SLN: variants seen among roughly 807,000 people sequenced by gnomAD.
SLN encodes sarcolipin.
For missense variants in SLN, 34 were observed against 37.4 expected (o/e 0.91, Z 0.24); for synonymous variants, 19 against 14.4 (o/e 1.32, Z -0.72).
intron 1 of SLN, among the ~76,000 whole-genome samples, chr11:107,709,541 G>A (rs563219958): frequency 1.3e-5 from 2 of 152,226 alleles, no homozygotes; most frequent in African/African-American, 4.8e-5. Flanking sequence ...TTCATATTGT[G>A]TAATTGGCAT....
rs867791170 is a variant in SLN at position 107,707,604 on chromosome 11, G to A, written c.*231C>T. On this transcript the variant is annotated 3_prime_UTR_variant, in exon 2 of 2. Coordinates refer to ENST00000305991, the MANE Select transcript of SLN (RefSeq NM_003063.3). Reference sequence around the variant, plus strand: ...TAACACATTTTCAGTTAAGAGTTGGGGAATAAATCTACCGTTCCCTGGCAA... The same window carrying A: ...TAACACATTTTCAGTTAAGAGTTGGAGAATAAATCTACCGTTCCCTGGCAA... The A allele has an allele frequency of 2.1e-6, 1 of 479,798 alleles. No homozygotes were observed. Among genetic ancestry groups the A allele is most frequent in the Non-Finnish European group, 3.7e-6 (1 of 269,240 alleles). 29.7% of individuals were successfully genotyped at this position (479,798 alleles called of 1,614,324 possible).
chr11:107,707,761 G>T lies in SLN; in HGVS notation c.*74C>A. The T allele has an allele frequency of 9.6e-7, 1 of 1,046,758 alleles. No individual in the cohort carries two copies. The allele number at this position is 1,046,758 out of a possible 1,614,324, so 64.8% of individuals were successfully genotyped here. On this transcript the variant is annotated 3_prime_UTR_variant, in exon 2 of 2. Transcript: ENST00000305991. ...AGAATGGCATCCTGTGACAATGACA[G>T]CAGTGGGGTCTCAGGGCATAGAGCA...
chr11:107,709,309 C>T (rs1268380670), intron 1 of SLN, among the ~76,000 whole-genome samples: 1 of 152,050 alleles, frequency 6.6e-6, no homozygotes, highest in Non-Finnish European at 1.5e-5. Flanking sequence ...ACATTTAGGA[C>T]CAAAGTCTAC....
At chr11:107,711,723 CTTCCATAA>C (rs1456784690) in intron 1 of SLN, among the ~76,000 whole-genome samples, 1 of 151,772 alleles carries the variant, frequency 6.6e-6, no homozygotes, top group African/African-American at 2.4e-5. Flanking sequence ...AAAAGACCAT[CTTCCATAA>C]TACAAGAAAG....
intron 1 of SLN, among the ~76,000 whole-genome samples, chr11:107,710,043 A>G (rs1417877170): frequency 6.6e-6 from 1 of 152,236 alleles, no homozygotes; most frequent in Non-Finnish European, 1.5e-5. Flanking sequence ...TGGATCAAGG[A>G]AAAAGGATTT....
chr11:107,709,749 A>G (rs1166680165), intron 1 of SLN, among the ~76,000 whole-genome samples: 1 of 152,220 alleles, frequency 6.6e-6, no homozygotes, highest in African/African-American at 2.4e-5. Flanking sequence ...TGACAGATTT[A>G]TATTTCATCT....
chr11:107,708,407 A>G (rs1867177879), intron 1 of SLN, among the ~76,000 whole-genome samples: 1 of 152,160 alleles, frequency 6.6e-6, no homozygotes, highest in South Asian at 2.1e-4. Flanking sequence ...TGGGACATGT[A>G]GCCTCCTGAC....
rs1277817521 is a variant in SLN at position 107,707,925 on chromosome 11, C to T, written c.6G>A (p.Gly2=). 7 of 1,613,750 alleles carry T rather than the reference C, an allele frequency of 4.3e-6. No individual in the cohort carries two copies. The highest frequency in any genetic ancestry group is 5.9e-6 in the Non-Finnish European group (7 of 1,179,706). M[G]INTRELFLNF... ...TGAGAAACAGCTCCCGGGTGTTTATCCCCATTTTCACAGCGGCTTGGTGAG... is the reference window on the plus strand; with the variant it reads ...TGAGAAACAGCTCCCGGGTGTTTATTCCCATTTTCACAGCGGCTTGGTGAG... Residue 2 remains glycine (G), a synonymous_variant, in exon 2 of 2, where the codon GGG becomes GGA. Coordinates refer to ENST00000305991, the MANE Select transcript of SLN (RefSeq NM_003063.3).
intron 1 of SLN, 49 bp from the exon 2 acceptor site, chr11:107,708,054 G>GTA: frequency 1.4e-6 from 1 of 701,868 alleles, no homozygotes; most frequent in Non-Finnish European, 2.6e-6. Context: ...GGGCATTCCT[G>GTA]TATAACAATG....
rs755972990 is a variant in SLN, at chr11:107,707,923, A to G, written c.8T>C (p.Ile3Thr). ...GTTGAGAAACAGCTCCCGGGTGTTTATCCCCATTTTCACAGCGGCTTGGTG... is the reference window on the plus strand; with the variant it reads ...GTTGAGAAACAGCTCCCGGGTGTTTGTCCCCATTTTCACAGCGGCTTGGTG... MG[I>T]NTRELFLNFT... Residue 3 changes from isoleucine (I) to threonine (T), a missense_variant, in exon 2 of 2, where the codon ATA (isoleucine) becomes ACA (threonine). Coordinates refer to ENST00000305991, the MANE Select transcript of SLN (RefSeq NM_003063.3). The G allele has an allele frequency of 3.9e-5, 63 of 1,613,700 alleles. No individual in the cohort carries two copies. The highest frequency in any genetic ancestry group is 3.1e-5 in the Non-Finnish European group (37 of 1,179,712).
chr11:107,708,387 C>T (rs1338299259), intron 1 of SLN, among the ~76,000 whole-genome samples: 1 of 152,094 alleles, frequency 6.6e-6, no homozygotes, highest in African/African-American at 2.4e-5. Flanking sequence ...ACTGTGCCAA[C>T]ACCTTGATCT....
intron 1 of SLN, among the ~76,000 whole-genome samples, chr11:107,709,634 C>T (rs1867190746): frequency 6.6e-6 from 1 of 151,986 alleles, no homozygotes; most frequent in Admixed American, 6.6e-5. Flanking sequence ...ATCCCTTGAG[C>T]CTAGGAGTTT....
chr11:107,709,697 T>C (rs1867192912), intron 1 of SLN, among the ~76,000 whole-genome samples: 1 of 151,664 alleles, frequency 6.6e-6, no homozygotes, highest in Non-Finnish European at 1.5e-5. Context: ...AAATACAAGT[T>C]CAAATCAGAT....
chr11:107,711,972 A>G lies in SLN; in HGVS notation c.-85T>C, dbSNP rs1867215235. 6.6e-6 allele frequency: 1 copy of G among 152,156 alleles called. No individual in the cohort carries two copies. The highest frequency in any genetic ancestry group is 2.1e-4 in the South Asian group (1 of 4,820). The allele number at this position is 152,156 out of a possible 1,614,324, so 9.4% of individuals were successfully genotyped here. A position where few individuals can be genotyped will look rare whatever the true frequency, so the allele number is the denominator to read the frequency against. On this transcript the variant is annotated 5_prime_UTR_variant, in exon 1 of 2. Transcript: ENST00000305991. Reference sequence around the variant, plus strand: ...AAAATCCTGCAGTTACCTGAAGAGGATCAAAGACACACCCTGGCTATGGCA... The same window carrying G: ...AAAATCCTGCAGTTACCTGAAGAGGGTCAAAGACACACCCTGGCTATGGCA...
Position 107,707,711 on chromosome 11 carries a change from G to A in SLN, c.*124C>T. 1 of 695,998 alleles carries A rather than the reference G, an allele frequency of 1.4e-6. No individual in the cohort carries two copies. The highest frequency in any genetic ancestry group is 2.5e-5 in the East Asian group (1 of 39,860). 43.1% of individuals were successfully genotyped at this position (695,998 alleles called of 1,614,324 possible). A position where few individuals can be genotyped will look rare whatever the true frequency, so the allele number is the denominator to read the frequency against. Reference sequence around the variant, plus strand: ...CTACAGCATAGCAGATATTGTGAGTGCAGGTCACAGGTGCCCTCGGATGGA... The same window carrying A: ...CTACAGCATAGCAGATATTGTGAGTACAGGTCACAGGTGCCCTCGGATGGA... On this transcript the variant is annotated 3_prime_UTR_variant, in exon 2 of 2. Coordinates refer to ENST00000305991, the MANE Select transcript of SLN (RefSeq NM_003063.3).
rs539187146 is a variant in SLN, at chr11:107,710,954, T to C, written c.-76+1009A>G. On this transcript the variant is annotated intron_variant, in intron 1 of 1. Transcript: ENST00000305991. ...TGGGTAGATCTCACAAATATAATTG[T>C]TGGGTGAAAGAAGAATTTACAAAAG... 2.6e-5 allele frequency among the ~76,000 whole-genome samples: 4 copies of C among 151,550 alleles called. No homozygotes were observed. The East Asian group carries it at 7.8e-4, about 30-fold the overall frequency.
At chr11:107,708,505 G>T (rs1274620185) in intron 1 of SLN, among the ~76,000 whole-genome samples, 1 of 152,032 alleles carries the variant, frequency 6.6e-6, no homozygotes, top group Non-Finnish European at 1.5e-5. Context: ...AATCGCACAA[G>T]CCAATTCCTT....
At chr11:107,710,419 C>T (rs992338584) in intron 1 of SLN, among the ~76,000 whole-genome samples, 1 of 152,204 alleles carries the variant, frequency 6.6e-6, no homozygotes, top group Admixed American at 6.5e-5. Flanking sequence ...TTTGTGTTAC[C>T]TTCGCAACAA....
At chr11:107,710,321 G>A (rs541763228) in intron 1 of SLN, among the ~76,000 whole-genome samples, 1 of 152,200 alleles carries the variant, frequency 6.6e-6, no homozygotes, top group Non-Finnish European at 1.5e-5. Flanking sequence ...AAATTAAGCT[G>A]TTAAGTCATG....
Sources: gnomAD v4.1 joint callset for allele counts (sites outside exome capture counted in the v4.1 genomes callset) on GRCh38, gnomAD v4.1.1 for gene constraint, MANE v1.5 for transcripts, NCBI Gene and HGNC (gene_info 2026-07-23, HGNC 2026-07-21) for gene names.